The following SPAG9 variants were observed in gnomAD, a reference collection of about 807,000 sequenced individuals.
SPAG9 encodes the protein sperm associated antigen 9.
Under a neutral mutation model 166.5 loss-of-function variants are expected in SPAG9, and 35 were observed. That is an observed-to-expected ratio of 0.21 (90% CI 0.16 to 0.28). SPAG9 has a LOEUF of 0.28. SPAG9 is among the 10% of genes least tolerant of loss of function. The probability of loss-of-function intolerance (pLI) is 1.00; values close to 1 mark genes in which losing one functional copy is unlikely to be tolerated. For synonymous variants in SPAG9, 534 were observed against 565.5 expected (o/e 0.94, Z 0.79); for missense variants, 1,235 against 1,603.3 (o/e 0.77, Z 3.92).
intron 9 of SPAG9, among the ~76,000 whole-genome samples, chr17:51,011,762 A>T (rs1186807897): frequency 2.0e-5 from 3 of 152,220 alleles, no homozygotes; most frequent in Non-Finnish European, 4.4e-5. Context: ...AAATATTCTA[A>T]TCTGAACTAT....
At chr17:51,014,194 A>G (rs1458219746) in intron 9 of SPAG9, 38 bp downstream of exon 9, 3 of 1,549,822 alleles carry the variant, frequency 1.9e-6, no homozygotes, top group Admixed American at 3.9e-5. Flanking sequence ...AATCAATTTT[A>G]AAAACAGTAT....
chr17:51,109,203 G>A (rs1263570857), intron 1 of SPAG9, among the ~76,000 whole-genome samples: 7 of 151,598 alleles, frequency 4.6e-5, no homozygotes, highest in South Asian at 2.1e-4. Context: ...TTTTAATTCC[G>A]TTTTATATAT....
At chr17:51,057,585 C>T (rs555578147) in intron 2 of SPAG9, among the ~76,000 whole-genome samples, 41 of 152,244 alleles carry the variant, frequency 2.7e-4, no homozygotes, top group African/African-American at 5.8e-4. Flanking sequence ...TTGTGCTGCC[C>T]AGAAAATTCA....
intron 5 of SPAG9, among the ~76,000 whole-genome samples, chr17:51,033,269 C>A (rs536821870): frequency 1.4e-5 from 2 of 140,908 alleles, no homozygotes; most frequent in East Asian, 2.1e-4. Flanking sequence ...GTAGCTCTCT[C>A]TATATAAAAG....
At chr17:50,976,984 G>GT in intron 27 of SPAG9, 124 bp downstream of exon 27, 1 of 624,364 alleles carries the variant, frequency 1.6e-6, no homozygotes, top group African/African-American at 1.8e-5. Flanking sequence ...ATTGAGTGAA[G>GT]TAACTATAGC....
rs563896612 is a variant in SPAG9 at position 50,998,022 on chromosome 17, ATTTTTTT to A, written c.1838+415_1838+421del. Among the ~76,000 whole-genome samples the A allele has an allele frequency of 6.5e-3, 590 of 90,802 alleles. 2 individuals carry two copies. The highest frequency in any genetic ancestry group is 0.047 in the Middle Eastern group (7 of 150). 59.6% of individuals were successfully genotyped at this position (90,802 alleles called of 152,430 possible). A position where few individuals can be genotyped will look rare whatever the true frequency, so the allele number is the denominator to read the frequency against. On this transcript the variant is annotated intron_variant, in intron 15 of 29. Coordinates refer to ENST00000262013, the MANE Select transcript of SPAG9 (RefSeq NM_001130528.3). The stretch of plus-strand genomic sequence containing the variant: ...TAAAGACAGCCAAGTTACAGAAATG[ATTTTTTT>A]TTTTTTTTTTTTTTTTTTTTTTAAA...
At chr17:50,996,419 A>G in intron 16 of SPAG9, 146 bp downstream of exon 16, 1 of 866,538 alleles carries the variant, frequency 1.2e-6, no homozygotes, top group South Asian at 1.7e-5. Context: ...CCTGAAAACC[A>G]CCACCCTCCA....
chr17:50,999,402 G>A (rs2044825092), intron 14 of SPAG9: 1 of 1,183,146 alleles, frequency 8.5e-7, no homozygotes. Context: ...ATTTGGCAGA[G>A]GATTGCAACA....
chr17:51,109,515 G>A (rs1349976806), intron 1 of SPAG9, among the ~76,000 whole-genome samples: 3 of 151,796 alleles, frequency 2.0e-5, no homozygotes, highest in Non-Finnish European at 4.4e-5. Context: ...GATTACAGGC[G>A]TGAGCCACTG....
intron 1 of SPAG9, among the ~76,000 whole-genome samples, chr17:51,081,174 A>G (rs1026795947): frequency 1.3e-5 from 2 of 152,126 alleles, no homozygotes; most frequent in Non-Finnish European, 2.9e-5. Context: ...AAGTCTCCTA[A>G]TTAGTCTTCT....
chr17:50,979,738 A>T lies in SPAG9; in HGVS notation c.3409+8T>A. ...GACTGGTAAAGATAAAACGCGTTGG[A>T]AGCTTACCTAACATTTTGCTTACAT... On this transcript the variant is annotated splice_region_variant and intron_variant, in intron 26 of 29. Coordinates refer to ENST00000262013, the MANE Select transcript of SPAG9 (RefSeq NM_001130528.3). The T allele has an allele frequency of 6.2e-7, 1 of 1,603,710 alleles. No homozygotes were observed. Among genetic ancestry groups the T allele is most frequent in the Non-Finnish European group, 8.5e-7 (1 of 1,170,996 alleles).
chr17:51,083,576 T>TTTATTTAC (rs1476673629), intron 1 of SPAG9, among the ~76,000 whole-genome samples: 76 of 138,266 alleles, frequency 5.5e-4, no homozygotes, highest in African/African-American at 1.9e-3. Flanking sequence ...TATTTATTTA[T>TTTATTTAC]TTATTTAAGA....
intron 5 of SPAG9, 136 bp from the exon 6 acceptor site, chr17:51,031,858 G>C (rs757866801): frequency 1.3e-6 from 1 of 747,242 alleles, no homozygotes; most frequent in Non-Finnish European, 2.3e-6. Context: ...ATGAGGGTTT[G>C]GAAGCTTTGT....
At chr17:51,011,799 C>T (rs1597987683) in intron 9 of SPAG9, among the ~76,000 whole-genome samples, 4 of 152,188 alleles carry the variant, frequency 2.6e-5, no homozygotes, top group Middle Eastern at 3.4e-3. Context: ...TCAACATCTA[C>T]AAAATGGAAA....
chr17:51,029,172 TTGTGCTTTGAAAAAAAATAGA>T (rs2046298066), intron 6 of SPAG9, among the ~76,000 whole-genome samples: 1 of 152,146 alleles, frequency 6.6e-6, no homozygotes, highest in Non-Finnish European at 1.5e-5. Context: ...CATATTTAAA[TTGTGCTTTGAAAAAAAATAGA>T]TGTAACACAA....
chr17:51,046,399 T>C (rs1217792272), intron 4 of SPAG9: 4 of 781,008 alleles, frequency 5.1e-6, no homozygotes, highest in South Asian at 3.7e-5. Context: ...CCATTTTCCA[T>C]TGTTTCAATC....
At chr17:51,108,444 GTATTTC>G (rs1259826229) in intron 1 of SPAG9, among the ~76,000 whole-genome samples, 3 of 151,542 alleles carry the variant, frequency 2.0e-5, no homozygotes, top group Non-Finnish European at 4.4e-5. Context: ...GTCATTTTCT[GTATTTC>G]TATATCTCAA....
chr17:51,089,707 G>A (rs1217707663), intron 1 of SPAG9, among the ~76,000 whole-genome samples: 1 of 106,836 alleles, frequency 9.4e-6, no homozygotes, highest in Non-Finnish European at 1.9e-5. Context: ...ATGGAGTCTC[G>A]CTCTGTGACC....
chr17:51,077,033 T>TAGCTAGCTATCTAGCTAGCTATCTAG (rs1568065402), intron 2 of SPAG9, among the ~76,000 whole-genome samples: 3 of 94,526 alleles, frequency 3.2e-5, no homozygotes, highest in Admixed American at 9.8e-5. Context: ...TAGCTATCTA[T>TAGCTAGCTATCTAGCTAGCTATCTAG]CTAGCTATCT....
Sources: allele counts gnomAD v4.1 joint callset (sites outside exome capture counted in the v4.1 genomes callset), GRCh38; gene constraint gnomAD v4.1.1; transcripts MANE v1.5; gene names NCBI Gene and HGNC (gene_info 2026-07-23, HGNC 2026-07-21).